CCDC148: variants seen among roughly 807,000 people sequenced by gnomAD.
CCDC148 encodes the protein coiled-coil domain containing 148, also known as coiled-coil domain-containing protein 148.
CCDC148 carries 89 observed loss-of-function variants against 85.7 expected under a neutral mutation model. The observed-to-expected ratio is 1.04, with a 90% CI of 0.87 to 1.24. CCDC148 has a LOEUF of 1.24. Among genes scored for constraint, CCDC148 ranks in the 50% most tolerant of loss-of-function variants. CCDC148 has a pLI of 0.00. For missense variants in CCDC148, 692 were observed against 671.7 expected (o/e 1.03, Z -0.33); for synonymous variants, 230 against 213.9 (o/e 1.08, Z -0.66).
chr2:158,254,768 C>T (rs1237786991), intron 9 of CCDC148, among the ~76,000 whole-genome samples: 1 of 151,332 alleles, frequency 6.6e-6, no homozygotes, highest in Non-Finnish European at 1.5e-5. Flanking sequence ...TAAGGGGAAT[C>T]GTCATTGAAT....
chr2:158,222,470 T>C (rs577660988), intron 10 of CCDC148, among the ~76,000 whole-genome samples: 7,085 of 148,306 alleles, frequency 0.048, 341 homozygotes, highest in Admixed American at 0.16. Flanking sequence ...CTCTCTCTCT[T>C]TCTCTCTCTC....
chr2:158,242,453 T>C (rs1688388870), intron 10 of CCDC148, among the ~76,000 whole-genome samples: 3 of 152,048 alleles, frequency 2.0e-5, no homozygotes, highest in Admixed American at 2.0e-4. Flanking sequence ...ACACAAACAC[T>C]GAAATGGAGA....
At chr2:158,354,071 C>A (rs1335403832) in intron 2 of CCDC148, among the ~76,000 whole-genome samples, 2 of 151,800 alleles carry the variant, frequency 1.3e-5, no homozygotes, top group Non-Finnish European at 2.9e-5. Context: ...GGGACACATT[C>A]AAAGCAGTGT....
chr2:158,238,750 A>G (rs2105319121), intron 10 of CCDC148, among the ~76,000 whole-genome samples: 1 of 152,272 alleles, frequency 6.6e-6, no homozygotes, highest in South Asian at 2.1e-4. Flanking sequence ...GAGTTTTAAG[A>G]TTATCAATTA....
At chr2:158,353,143 C>A (rs918249090) in intron 2 of CCDC148, among the ~76,000 whole-genome samples, 1 of 148,598 alleles carries the variant, frequency 6.7e-6, no homozygotes, top group Non-Finnish European at 1.5e-5. Context: ...TAAAGACCAT[C>A]GAGACTAGGA....
At chr2:158,327,719 G>C (rs1022907519) in intron 7 of CCDC148, among the ~76,000 whole-genome samples, 1 of 152,042 alleles carries the variant, frequency 6.6e-6, no homozygotes, top group Non-Finnish European at 1.5e-5. Context: ...GAATTTTATT[G>C]ATATCGTTAA....
intron 3 of CCDC148, among the ~76,000 whole-genome samples, chr2:158,344,862 T>C (rs796849101): frequency 1.2e-4 from 18 of 152,232 alleles, no homozygotes; most frequent in African/African-American, 3.8e-4. Flanking sequence ...TTGCCCGTGA[T>C]AGGATCTTTA....
chr2:158,335,119 G>A (rs1334714940), intron 7 of CCDC148, among the ~76,000 whole-genome samples: 2 of 152,116 alleles, frequency 1.3e-5, no homozygotes, highest in Non-Finnish European at 2.9e-5. Flanking sequence ...TAAAGCACTA[G>A]CTCAGTTTCT....
chr2:158,280,680 A>G (rs897651617), intron 9 of CCDC148, among the ~76,000 whole-genome samples: 1 of 152,214 alleles, frequency 6.6e-6, no homozygotes, highest in Non-Finnish European at 1.5e-5. Context: ...TAATAACGGG[A>G]GACTTTAACA....
intron 1 of CCDC148, among the ~76,000 whole-genome samples, chr2:158,427,599 G>C (rs535741227): frequency 6.6e-6 from 1 of 152,098 alleles, no homozygotes; most frequent in Non-Finnish European, 1.5e-5. Context: ...ACCAGGTATG[G>C]TGGCTCATAC....
At chr2:158,422,667 C>T (rs990298393) in intron 1 of CCDC148, among the ~76,000 whole-genome samples, 2 of 152,110 alleles carry the variant, frequency 1.3e-5, no homozygotes, top group African/African-American at 4.8e-5. Context: ...CCTTTGAAAA[C>T]TGGCACAAGG....
chr2:158,289,215 T>G (rs577738096), intron 9 of CCDC148, among the ~76,000 whole-genome samples: 4 of 152,156 alleles, frequency 2.6e-5, no homozygotes, highest in African/African-American at 4.8e-5. Flanking sequence ...AAGACAAAGA[T>G]TGATAAATCA....
At chr2:158,179,914 T>G (rs1352167279) in intron 11 of CCDC148, among the ~76,000 whole-genome samples, 2 of 152,160 alleles carry the variant, frequency 1.3e-5, no homozygotes, top group African/African-American at 4.8e-5. Context: ...CATCGGCTAT[T>G]AAAATATGGC....
intron 1 of CCDC148, among the ~76,000 whole-genome samples, chr2:158,433,241 C>A (rs1159984263): frequency 3.1e-5 from 4 of 129,334 alleles, no homozygotes; most frequent in Non-Finnish European, 6.8e-5. Context: ...GCCGGGGCAA[C>A]AGAGTAAGTC....
intron 9 of CCDC148, among the ~76,000 whole-genome samples, chr2:158,293,316 C>T (rs1265901748): frequency 3.3e-5 from 5 of 152,182 alleles, no homozygotes; most frequent in Non-Finnish European, 5.9e-5. Context: ...TCATAGGAGC[C>T]AACACACCTT....
intron 1 of CCDC148, among the ~76,000 whole-genome samples, chr2:158,367,954 T>C (rs922610831): frequency 2.0e-5 from 3 of 152,170 alleles, no homozygotes; most frequent in Admixed American, 6.6e-5. Context: ...CAGTTCTCAT[T>C]TTAGCACTTG....
intron 9 of CCDC148, among the ~76,000 whole-genome samples, chr2:158,280,691 C>A (rs997715931): frequency 5.3e-5 from 8 of 152,120 alleles, no homozygotes; most frequent in Non-Finnish European, 1.2e-4. Flanking sequence ...GACTTTAACA[C>A]CCCACTGTCA....
intron 9 of CCDC148, among the ~76,000 whole-genome samples, chr2:158,300,062 G>C (rs1345902535): frequency 6.6e-6 from 1 of 152,100 alleles, no homozygotes; most frequent in East Asian, 1.9e-4. Context: ...CAATTTTATG[G>C]GTAGTCAGGT....
At chr2:158,253,814 A>G (rs1688902128) in intron 9 of CCDC148, among the ~76,000 whole-genome samples, 2 of 151,680 alleles carry the variant, frequency 1.3e-5, no homozygotes. Flanking sequence ...TTTATAATGA[A>G]TGGATCAAGC....
Sources: gnomAD v4.1 joint callset for allele counts (sites outside exome capture counted in the v4.1 genomes callset) on GRCh38, gnomAD v4.1.1 for gene constraint, MANE v1.5 for transcripts, NCBI Gene and HGNC (gene_info 2026-07-23, HGNC 2026-07-21) for gene names.